The following ZNF605 variants were observed in gnomAD, a reference collection of about 807,000 sequenced individuals.
The protein encoded by ZNF605 is zinc finger protein 605.
A neutral mutation model predicts 7.9 loss-of-function variants in ZNF605; 9 were observed. That is an observed-to-expected ratio of 1.14 (90% confidence interval 0.68 to 1.98). ZNF605 has a LOEUF of 1.98. ZNF605 is among the 30% of genes most tolerant of loss of function. The probability of loss-of-function intolerance (pLI) is 0.00; values close to 1 mark genes in which losing one functional copy is unlikely to be tolerated. For synonymous variants in ZNF605, 255 were observed against 260.1 expected, an observed-to-expected ratio of 0.98 and a Z score of 0.19; for missense variants, 673 against 762.4, an observed-to-expected ratio of 0.88 and a Z score of 1.38.
chr12:132,950,856 T>A (rs1174760104), intron 1 of ZNF605, among the ~76,000 whole-genome samples: 2 of 149,632 alleles, frequency 1.3e-5, no homozygotes, highest in Non-Finnish European at 3.0e-5. Flanking sequence ...TACAGACATG[T>A]ACAGACACAC....
chr12:132,931,230 CTT>C (rs1952305799), intron 4 of ZNF605, among the ~76,000 whole-genome samples: 1 of 152,108 alleles, frequency 6.6e-6, no homozygotes, highest in Admixed American at 6.6e-5. Flanking sequence ...TAGATGGAAA[CTT>C]TTCTACTGAA....
chr12:132,937,351 C>A (rs2137140167), intron 3 of ZNF605, among the ~76,000 whole-genome samples: 1 of 105,448 alleles, frequency 9.5e-6, no homozygotes, highest in East Asian at 2.7e-4. Context: ...AAGAATGAAA[C>A]TCTGTCTCAA....
chr12:132,937,029 A>G (rs1952373682), intron 3 of ZNF605, among the ~76,000 whole-genome samples: 1 of 152,196 alleles, frequency 6.6e-6, no homozygotes, highest in African/African-American at 2.4e-5. Context: ...TCATTTTAAA[A>G]ATTAACAAGA....
At chr12:132,952,656 T>C (rs1952584807) in intron 1 of ZNF605, among the ~76,000 whole-genome samples, 1 of 151,218 alleles carries the variant, frequency 6.6e-6, no homozygotes, top group Non-Finnish European at 1.5e-5. Flanking sequence ...GAGCCGGAGG[T>C]CATCAGGAGG....
Position 132,919,051 on chromosome 12 carries a change from G to A in ZNF605, c.*6322C>T, listed in dbSNP as rs1018681543. 2.0e-5 allele frequency: 3 copies of A among 150,530 alleles called. No homozygotes were observed. Among genetic ancestry groups the A allele is most frequent in the African/African-American group, 7.4e-5 (3 of 40,816 alleles). The allele number at this position is 150,530 out of a possible 1,614,324, so 9.3% of individuals were successfully genotyped here. ...TGCCTGGCAAATACCATGGTTTGGGGACGAATCTACACTAGACCTGCCTGG... is the reference window on the plus strand; with the variant it reads ...TGCCTGGCAAATACCATGGTTTGGGAACGAATCTACACTAGACCTGCCTGG... On this transcript the variant is annotated 3_prime_UTR_variant, in exon 5 of 5. Coordinates refer to ENST00000360187, the MANE Select transcript of ZNF605 (RefSeq NM_183238.4).
rs1952487997 is a variant in ZNF605, at chr12:132,945,687, C to T, written c.-52G>A. 1.2e-6 allele frequency: 2 copies of T among 1,614,212 alleles called. No individual in the cohort carries two copies. Among genetic ancestry groups the T allele is most frequent in the Non-Finnish European group, 1.7e-6 (2 of 1,179,994 alleles). ...GTTTTGTGACTTCTCTTAGTCCTGA[C>T]ACCCTGGAGTGGCCTCTGGTCAGTG... On this transcript the variant is annotated 5_prime_UTR_variant, in exon 3 of 5. Coordinates refer to ENST00000360187, the MANE Select transcript of ZNF605 (RefSeq NM_183238.4).
rs11147177 is a variant in ZNF605, at chr12:132,953,677, A to G, written c.-286+2566T>C. Among the ~76,000 whole-genome samples the G allele has an allele frequency of 3.1e-3, 471 of 151,512 alleles. 2 individuals are homozygous for G. Among genetic ancestry groups the G allele is most frequent in the Admixed American group, 7.3e-3 (110 of 15,170 alleles). On this transcript the variant is annotated intron_variant, in intron 1 of 4. Transcript: ENST00000360187. ...CTTGACCTCCTGATCTGCCTGCCTCAGCCTCCCAAAGTGCTGGGATTACAG... is the reference window on the plus strand; with the variant it reads ...CTTGACCTCCTGATCTGCCTGCCTCGGCCTCCCAAAGTGCTGGGATTACAG...
intron 4 of ZNF605, among the ~76,000 whole-genome samples, chr12:132,931,254 TAAAC>T (rs371865684): frequency 3.9e-5 from 6 of 152,338 alleles, no homozygotes; most frequent in African/African-American, 1.4e-4. Flanking sequence ...GGACATCTGA[TAAAC>T]AAGACCTTTC....
chr12:132,948,898 C>T (rs1292544197), intron 1 of ZNF605, among the ~76,000 whole-genome samples: 1 of 152,220 alleles, frequency 6.6e-6, no homozygotes, highest in Non-Finnish European at 1.5e-5. Flanking sequence ...GCCCAGGAGG[C>T]GGGGACCAGT....
intron 3 of ZNF605, among the ~76,000 whole-genome samples, chr12:132,938,071 C>A (rs1240160753): frequency 6.6e-6 from 1 of 152,180 alleles, no homozygotes; most frequent in Non-Finnish European, 1.5e-5. Flanking sequence ...AGCCCCGCCT[C>A]CTGGGTTCAC....
chr12:132,952,014 C>T (rs999762891), intron 1 of ZNF605, among the ~76,000 whole-genome samples: 10 of 151,982 alleles, frequency 6.6e-5, no homozygotes, highest in Non-Finnish European at 1.3e-4. Flanking sequence ...TTACTCGCTA[C>T]GAAAGCAGCA....
In ZNF605 at chr12:132,925,317, G is replaced by T; in HGVS notation, c.*56C>A. The T allele has an allele frequency of 7.5e-7, 1 of 1,342,194 alleles. No homozygotes were observed. Among genetic ancestry groups the T allele is most frequent in the Non-Finnish European group, 1.0e-6 (1 of 981,924 alleles). The allele number at this position is 1,342,194 out of a possible 1,614,324, so 83.1% of individuals were successfully genotyped here. A position where few individuals can be genotyped will look rare whatever the true frequency, so the allele number is the denominator to read the frequency against. ...CTCTCCCACATGCATCCTCAAAAGT[G>T]TCAGAAAGTATGACACTTGATAGCA... On this transcript the variant is annotated 3_prime_UTR_variant, in exon 5 of 5. Coordinates refer to ENST00000360187, the MANE Select transcript of ZNF605 (RefSeq NM_183238.4).
chr12:132,943,049 G>A (rs1239268193), intron 3 of ZNF605, among the ~76,000 whole-genome samples: 1 of 152,116 alleles, frequency 6.6e-6, no homozygotes, highest in African/African-American at 2.4e-5. Context: ...TGGAGTCAAG[G>A]AGTTCAGCTC....
rs911554641 is a variant in ZNF605 at position 132,918,784 on chromosome 12, C to T, written c.*6589G>A. 2.6e-5 allele frequency: 4 copies of T among 152,250 alleles called. No individual in the cohort carries two copies. Among genetic ancestry groups the T allele is most frequent in the African/African-American group, 9.6e-5 (4 of 41,460 alleles). 9.4% of individuals were successfully genotyped at this position (152,250 alleles called of 1,614,324 possible). On this transcript the variant is annotated 3_prime_UTR_variant, in exon 5 of 5. Transcript: ENST00000360187. Reference sequence around the variant, plus strand: ...TATGTTTAGTAGAGATAGGGTTTTGCCATGTTGGCCAGGCTGCTCTTGAGC... The same window carrying T: ...TATGTTTAGTAGAGATAGGGTTTTGTCATGTTGGCCAGGCTGCTCTTGAGC...
In ZNF605 at chr12:132,927,160, C is replaced by T. The variant is rs973659429; in HGVS notation, c.139G>A (p.Val47Ile). 2.8e-5 allele frequency: 43 copies of T among 1,544,688 alleles called. No homozygotes were observed. In the East Asian group the frequency reaches 9.5e-4, roughly 34 times the overall value. The change falls in exon 5 of 5, where the codon GTC becomes ATC. Residue 47 changes from valine to isoleucine, a missense_variant and splice_region_variant. Physicochemically the swap from Val to Ile is conservative, Grantham distance 29. Coordinates refer to ENST00000360187, the MANE Select transcript of ZNF605 (RefSeq NM_183238.4). ...CACATTTTGGGATTATCTAGCCAGA[C>T]TTCTAAAAAGAGAAAAAAATGAACC... is the stretch of plus-strand genomic sequence containing the variant. ...ENYSNLVFLEVWLDNPKMWLR... is the reference protein window; with the variant it reads ...ENYSNLVFLEIWLDNPKMWLR...
intron 1 of ZNF605, among the ~76,000 whole-genome samples, chr12:132,949,611 C>T (rs995156692): frequency 1.3e-5 from 2 of 152,166 alleles, no homozygotes; most frequent in African/African-American, 2.4e-5. Context: ...GTGTAGCTCG[C>T]GCCTGGCATT....
intron 1 of ZNF605, among the ~76,000 whole-genome samples, chr12:132,951,443 C>G (rs1393479244): frequency 6.6e-6 from 1 of 151,162 alleles, no homozygotes; most frequent in Non-Finnish European, 1.5e-5. Flanking sequence ...AGATACGTAT[C>G]TCATACATAT....
chr12:132,949,725 A>G (rs1952537360), intron 1 of ZNF605, among the ~76,000 whole-genome samples: 1 of 152,208 alleles, frequency 6.6e-6, no homozygotes, highest in Admixed American at 6.5e-5. Context: ...GACAGTTAAC[A>G]GCCACAGTCT....
chr12:132,931,186 A>T lies in ZNF605; in HGVS notation c.136+1849T>A, dbSNP rs1045928217. On this transcript the variant is annotated intron_variant, in intron 4 of 4. Coordinates refer to ENST00000360187, the MANE Select transcript of ZNF605 (RefSeq NM_183238.4). ...CAAAGTGAGACCTTGTCTCAAAAAAATTTTTTAAATAAATATTTCCCAGGG... is the reference window on the plus strand; with the variant it reads ...CAAAGTGAGACCTTGTCTCAAAAAATTTTTTTAAATAAATATTTCCCAGGG... Among the ~76,000 whole-genome samples, 863 of 152,328 alleles carry T rather than the reference A, an allele frequency of 5.7e-3. 8 individuals carry two copies. Among genetic ancestry groups the T allele is most frequent in the Non-Finnish European group, 8.9e-3 (606 of 68,022 alleles).
Sources: allele counts gnomAD v4.1 joint callset (sites outside exome capture counted in the v4.1 genomes callset), GRCh38; gene constraint gnomAD v4.1.1; transcripts MANE v1.5; gene names NCBI Gene and HGNC (gene_info 2026-07-23, HGNC 2026-07-21).